Variants in CACNG4 observed in about 807,000 individuals in gnomAD.
The protein encoded by CACNG4 is voltage-dependent calcium channel gamma-4 subunit.
In CACNG4, 8 loss-of-function variants were observed where a neutral mutation model predicts 22.9. The ratio of observed to expected loss-of-function variants is 0.35; its 90% CI spans 0.21 to 0.63. CACNG4 has a LOEUF of 0.63. Ranked by LOEUF, CACNG4 falls within the 30% of genes least tolerant of loss-of-function variation. The probability of loss-of-function intolerance (pLI) is 0.72; values close to 1 mark genes in which losing one functional copy is unlikely to be tolerated. For missense variants in CACNG4, 357 were observed against 455.4 expected, an observed-to-expected ratio of 0.78 and a Z score of 1.97; for synonymous variants, 188 against 191.9, an observed-to-expected ratio of 0.98 and a Z score of 0.17.
intron 1 of CACNG4, among the ~76,000 whole-genome samples, chr17:67,000,138 G>A (rs1038116552): frequency 5.3e-5 from 8 of 152,146 alleles, no homozygotes; most frequent in South Asian, 2.1e-4. Flanking sequence ...AAGCAGAATC[G>A]CTGCATTCAG....
intron 1 of CACNG4, among the ~76,000 whole-genome samples, chr17:66,974,101 A>T (rs954674831): frequency 4.4e-4 from 67 of 152,318 alleles, no homozygotes; most frequent in Non-Finnish European, 3.7e-4. Flanking sequence ...TAAAGAGATG[A>T]GGGACTGGGG....
chr17:67,029,637 A>AAAAC (rs57964937), intron 3 of CACNG4, among the ~76,000 whole-genome samples: 65,999 of 150,844 alleles, frequency 0.44, 15,221 homozygotes, highest in East Asian at 0.77. Context: ...CTGGCTCCAA[A>AAAAC]AAACAAACAA....
At chr17:66,993,691 T>C (rs1358657156) in intron 1 of CACNG4, among the ~76,000 whole-genome samples, 1 of 152,176 alleles carries the variant, frequency 6.6e-6, no homozygotes, top group Non-Finnish European at 1.5e-5. Context: ...TTGCAACCTC[T>C]GCCTCCAGGG....
At position 66,965,024 on chromosome 17, in the gene CACNG4, C is replaced by A; in HGVS notation, c.113C>A (p.Ala38Glu). 6.2e-7 allele frequency: 1 copy of A among 1,611,406 alleles called. No homozygotes were observed. Among genetic ancestry groups the A allele is most frequent in the Non-Finnish European group, 8.5e-7 (1 of 1,179,258 alleles). The change falls in exon 1 of 4, where the codon GCG (alanine) becomes GAG (glutamate). Residue 38 changes from alanine (A) to glutamate (E), a missense_variant. Ala to Glu is a moderately radical substitution (Grantham distance 107). Around this residue, in one of 3 missense-constraint regions of CACNG4, gnomAD observed 114 missense variants for 161.6 expected, o/e 0.71. Transcript: ENST00000262138. ...IGTDYWLYSS[A>E]HICNGTNLTM... ...ACCGACTACTGGCTGTACTCCAGCG[C>A]GCACATCTGCAACGGCACCAACCTG...
intron 1 of CACNG4, among the ~76,000 whole-genome samples, chr17:66,990,896 G>C (rs141503170): frequency 0.025 from 3,852 of 151,998 alleles, 145 homozygotes; most frequent in African/African-American, 0.089. Context: ...TAGTCAGGAT[G>C]GTCTCGATCT....
intron 3 of CACNG4, among the ~76,000 whole-genome samples, chr17:67,026,539 ATGTATTTGAGGACTGTGGTGTGTGTG>A (rs1256916884): frequency 1.2e-5 from 1 of 83,558 alleles, no homozygotes; most frequent in Non-Finnish European, 2.2e-5. Context: ...TGGGGTGTGT[ATGTATTTGAGGACTGTGGTGTGTGTG>A]TGAGGACTAT....
At position 67,030,116 on chromosome 17, in the gene CACNG4, T is replaced by A. The variant is rs2035593424; in HGVS notation, c.446-350T>A. ...TCAGATGTACTGTTAAGAGAAAAAC[T>A]AAGCAGCCAGAGTACTGTGCAAAGG... On this transcript the variant is annotated intron_variant, in intron 3 of 3. Transcript: ENST00000262138. The surrounding 1 kb of genome is among the most constrained non-coding windows in gnomAD (Gnocchi z 6.4). Among the ~76,000 whole-genome samples, 3 of 151,906 alleles carry A rather than the reference T, an allele frequency of 2.0e-5. No homozygotes were observed. Among genetic ancestry groups the A allele is most frequent in the African/African-American group, 4.8e-5 (2 of 41,330 alleles).
At chr17:66,978,336 G>A (rs549385687) in intron 1 of CACNG4, among the ~76,000 whole-genome samples, 2 of 152,204 alleles carry the variant, frequency 1.3e-5, no homozygotes, top group African/African-American at 4.8e-5. Context: ...TGTGTTCAAT[G>A]CATGTAGTTA....
chr17:67,006,256 A>G (rs1402866575), intron 1 of CACNG4, among the ~76,000 whole-genome samples: 3 of 152,182 alleles, frequency 2.0e-5, no homozygotes, highest in Non-Finnish European at 2.9e-5. Context: ...AGGCCAGATG[A>G]TAGCAGCCAG....
chr17:66,971,547 G>A (rs2035204878), intron 1 of CACNG4, among the ~76,000 whole-genome samples: 1 of 152,138 alleles, frequency 6.6e-6, no homozygotes, highest in South Asian at 2.1e-4. Context: ...TGAGGCAGTT[G>A]GCACTTCTAG....
intron 1 of CACNG4, among the ~76,000 whole-genome samples, chr17:66,990,627 A>G (rs920010540): frequency 6.7e-6 from 1 of 149,198 alleles, no homozygotes; most frequent in Admixed American, 6.7e-5. Context: ...TTTCTTCTGC[A>G]CTCTTTAAAT....
At chr17:67,017,517 G>A (rs2035505855) in intron 1 of CACNG4, among the ~76,000 whole-genome samples, 1 of 150,106 alleles carries the variant, frequency 6.7e-6, no homozygotes, top group South Asian at 2.2e-4. Context: ...TGTTGTTGTT[G>A]TTGTTGTTTG....
chr17:66,980,237 C>T (rs572758233), intron 1 of CACNG4, among the ~76,000 whole-genome samples: 21 of 152,194 alleles, frequency 1.4e-4, no homozygotes, highest in Non-Finnish European at 2.8e-4. Flanking sequence ...CCACATTGGG[C>T]TTCCATCCCT....
At chr17:66,988,496 C>T (rs970884275) in intron 1 of CACNG4, among the ~76,000 whole-genome samples, 1 of 152,190 alleles carries the variant, frequency 6.6e-6, no homozygotes, top group Admixed American at 6.5e-5. Flanking sequence ...CCTCTTGGCT[C>T]CGCGTGTCTG....
At chr17:67,025,949 A>G (rs1247059621) in intron 3 of CACNG4, among the ~76,000 whole-genome samples, 2 of 152,204 alleles carry the variant, frequency 1.3e-5, no homozygotes, top group African/African-American at 4.8e-5. Flanking sequence ...CAGCGCAATA[A>G]ATAGACGTGT....
At position 67,031,025 on chromosome 17, in the gene CACNG4, G is replaced by A. The variant is rs368443497; in HGVS notation, c.*21G>A. The A allele has an allele frequency of 1.5e-4, 245 of 1,596,850 alleles. No individual in the cohort carries two copies. Among genetic ancestry groups the A allele is most frequent in the African/African-American group, 1.3e-3 (100 of 74,732 alleles). On this transcript the variant is annotated 3_prime_UTR_variant, in exon 4 of 4. Coordinates refer to ENST00000262138, the MANE Select transcript of CACNG4 (RefSeq NM_014405.4). The surrounding 1 kb of genome is among the most constrained non-coding windows in gnomAD (Gnocchi z 4.0). ...TGTGAGCCGCCTGCCCTTTCTCTCC[G>A]CTCCAGCCTCTCCCCAGAACGGCTC...
At chr17:66,999,277 G>GGTA in intron 1 of CACNG4, among the ~76,000 whole-genome samples, 1 of 151,488 alleles carries the variant, frequency 6.6e-6, no homozygotes, top group South Asian at 2.1e-4. Context: ...CAGTAGAGTT[G>GGTA]GTGGTGGTGG....
At chr17:66,982,793 C>T (rs9646429) in intron 1 of CACNG4, among the ~76,000 whole-genome samples, 50,576 of 152,104 alleles carry the variant, frequency 0.33, 9,343 homozygotes, top group Non-Finnish European at 0.42. Flanking sequence ...TGGGCTCAAG[C>T]GATCCTCCTG....
chr17:67,014,157 C>T (rs1434321594), intron 1 of CACNG4, among the ~76,000 whole-genome samples: 1 of 152,222 alleles, frequency 6.6e-6, no homozygotes, highest in Non-Finnish European at 1.5e-5. Context: ...ATTCCTGCAG[C>T]CCAGCCAGCC....
Sources: allele counts gnomAD v4.1 joint callset (sites outside exome capture counted in the v4.1 genomes callset), GRCh38; gene constraint gnomAD v4.1.1; regional missense constraint gnomAD v4.1.1; non-coding constraint Gnocchi (gnomAD v3.1); transcripts MANE v1.5; gene names NCBI Gene and HGNC (gene_info 2026-07-23, HGNC 2026-07-21).